Variants in MAGI2 observed in about 807,000 individuals in gnomAD.
The protein encoded by MAGI2 is membrane-associated guanylate kinase, WW and PDZ domain-containing protein 2.
Under a neutral mutation model 133.3 loss-of-function variants are expected in MAGI2, and 35 were observed. The ratio of observed to expected loss-of-function variants is 0.26; its 90% CI spans 0.20 to 0.35. The LOEUF is 0.35. MAGI2 is among the 10% of genes least tolerant of loss of function. The probability of loss-of-function intolerance (pLI) is 1.00; values close to 1 mark genes in which losing one functional copy is unlikely to be tolerated. For synonymous variants in MAGI2, 729 were observed against 710.6 expected, an observed-to-expected ratio of 1.03 and a Z score of -0.41; for missense variants, 1,636 against 1,863.4, an observed-to-expected ratio of 0.88 and a Z score of 2.25.
chr7:78,547,679 C>T (rs902285543), intron 3 of MAGI2, among the ~76,000 whole-genome samples: 3 of 152,116 alleles, frequency 2.0e-5, no homozygotes, highest in Non-Finnish European at 2.9e-5. Flanking sequence ...ACTCAGATTA[C>T]GACAATTTAA....
At position 78,747,981 on chromosome 7, in the gene MAGI2, A is replaced by G. The variant is rs533273876; in HGVS notation, c.419-120742T>C. ...TTCTGTGGTACTATATGCACTCAAT[A>G]TCAATGATTCTCTGAGACACATTCA... On this transcript the variant is annotated intron_variant, in intron 2 of 21. Transcript: ENST00000354212. Among the ~76,000 whole-genome samples, 8 of 152,286 alleles carry G rather than the reference A, an allele frequency of 5.3e-5. No individual in the cohort carries two copies. The South Asian group carries it at 1.4e-3, about 28-fold the overall frequency.
At chr7:78,379,396 A>G (rs1437639902) in intron 6 of MAGI2, among the ~76,000 whole-genome samples, 1 of 151,992 alleles carries the variant, frequency 6.6e-6, no homozygotes, top group Non-Finnish European at 1.5e-5. Context: ...AAAATAAAAC[A>G]GAGTTTACAG....
chr7:78,346,094 A>G (rs771222100), intron 7 of MAGI2, 51 bp from the exon 8 acceptor site: 1 of 1,606,812 alleles, frequency 6.2e-7, no homozygotes, highest in South Asian at 1.1e-5. Flanking sequence ...AGTTATTTAA[A>G]AGACCATATG....
At chr7:78,497,750 A>ATCTATCTGTCTGTCTG (rs1554442385) in intron 5 of MAGI2, among the ~76,000 whole-genome samples, 2 of 113,412 alleles carry the variant, frequency 1.8e-5, no homozygotes, top group African/African-American at 3.4e-5. Context: ...CTATCTATCT[A>ATCTATCTGTCTGTCTG]TCTATCTATC....
intron 1 of MAGI2, among the ~76,000 whole-genome samples, chr7:79,236,584 A>G (rs1039461703): frequency 3.9e-5 from 6 of 152,240 alleles, no homozygotes; most frequent in African/African-American, 1.4e-4. Flanking sequence ...CTCGGGTGAG[A>G]CATTTAATGT....
intron 9 of MAGI2, among the ~76,000 whole-genome samples, chr7:78,325,456 C>T (rs761360673): frequency 4.6e-5 from 7 of 152,144 alleles, no homozygotes; most frequent in African/African-American, 7.2e-5. Flanking sequence ...GCCTGCTCCT[C>T]CTTCTACTAT....
At chr7:78,689,600 T>C (rs1031606584) in intron 2 of MAGI2, among the ~76,000 whole-genome samples, 6 of 152,066 alleles carry the variant, frequency 3.9e-5, no homozygotes. Context: ...ATTAATCTGC[T>C]TTCTGTCACT....
intron 15 of MAGI2, among the ~76,000 whole-genome samples, chr7:78,162,596 A>G (rs1825181019): frequency 1.3e-5 from 2 of 152,022 alleles, no homozygotes; most frequent in Admixed American, 1.3e-4. Context: ...GGGAGTGGCA[A>G]TGTTACAGGT....
In MAGI2 at chr7:78,208,707, T is replaced by TGG. The variant is rs1178184985; in HGVS notation, c.2048-7516_2048-7515dup. On this transcript the variant is annotated intron_variant, in intron 10 of 21. Coordinates refer to ENST00000354212, the MANE Select transcript of MAGI2 (RefSeq NM_012301.4). ...AATGTATAGCATTTTTTTTTTTTTTTGGGAAATCCATCTAGAAAGATTTTA... is the reference window on the plus strand; with the variant it reads ...AATGTATAGCATTTTTTTTTTTTTTTGGGGGAAATCCATCTAGAAAGATTTTA... 1.8e-3 allele frequency among the ~76,000 whole-genome samples: 260 copies of TGG among 141,842 alleles called. 2 individuals carry two copies. Among genetic ancestry groups the TGG allele is most frequent in the Non-Finnish European group, 2.6e-3 (168 of 64,268 alleles). 93.1% of individuals were successfully genotyped at this position (141,842 alleles called of 152,430 possible).
At chr7:78,696,584 A>G (rs181394939) in intron 2 of MAGI2, among the ~76,000 whole-genome samples, 2 of 152,324 alleles carry the variant, frequency 1.3e-5, no homozygotes, top group East Asian at 3.9e-4. Flanking sequence ...CAAATCTTGC[A>G]TCAGGTTTCC....
intron 1 of MAGI2, among the ~76,000 whole-genome samples, chr7:79,428,054 C>T (rs1847516871): frequency 6.6e-6 from 1 of 151,948 alleles, no homozygotes. Flanking sequence ...CTATGGGGTC[C>T]CTAAAAGAAA....
chr7:78,631,320 C>T (rs543341626), intron 2 of MAGI2, among the ~76,000 whole-genome samples: 1 of 152,242 alleles, frequency 6.6e-6, no homozygotes, highest in Admixed American at 6.5e-5. Flanking sequence ...TTCTATGTCC[C>T]ATATCTCCAC....
intron 8 of MAGI2, among the ~76,000 whole-genome samples, chr7:78,344,400 A>T (rs1790690455): frequency 6.6e-6 from 1 of 152,158 alleles, no homozygotes; most frequent in Non-Finnish European, 1.5e-5. Flanking sequence ...CTAAGCCTTG[A>T]AGAAATAAGG....
rs3779276 is a variant in MAGI2 at position 78,198,063 on chromosome 7, G to A, written c.2080-3000C>T. ...GAACCCCCTGGATTCTGATCCTGTCGCCTTACTGAGGTCGATGGGCCTCAC... is the reference window on the plus strand; with the variant it reads ...GAACCCCCTGGATTCTGATCCTGTCACCTTACTGAGGTCGATGGGCCTCAC... On this transcript the variant is annotated intron_variant, in intron 11 of 21. Coordinates refer to ENST00000354212, the MANE Select transcript of MAGI2 (RefSeq NM_012301.4). Among the ~76,000 whole-genome samples the A allele has an allele frequency of 5.1e-3, 773 of 152,114 alleles. 3 individuals are homozygous for A. Among genetic ancestry groups the A allele is most frequent in the Middle Eastern group, 0.01 (3 of 294 alleles).
intron 1 of MAGI2, among the ~76,000 whole-genome samples, chr7:79,444,838 A>C (rs1848733433): frequency 6.6e-6 from 1 of 152,240 alleles, no homozygotes; most frequent in Non-Finnish European, 1.5e-5. Context: ...TGGAACCAAA[A>C]AAGAGCCTGC....
chr7:79,291,075 G>C (rs1019514427), intron 1 of MAGI2, among the ~76,000 whole-genome samples: 11 of 150,688 alleles, frequency 7.3e-5, no homozygotes, highest in African/African-American at 2.7e-4. Context: ...ATCACTCCCC[G>C]CACTCCACTT....
intron 10 of MAGI2, among the ~76,000 whole-genome samples, chr7:78,242,103 C>A (rs1373872180): frequency 3.3e-5 from 5 of 152,174 alleles, no homozygotes; most frequent in Admixed American, 1.3e-4. Context: ...CACACAAGAA[C>A]GTGTACTACC....
chr7:79,074,789 A>G (rs1239646935), intron 1 of MAGI2, among the ~76,000 whole-genome samples: 1 of 152,188 alleles, frequency 6.6e-6, no homozygotes, highest in South Asian at 2.1e-4. Context: ...TCTGAGGACT[A>G]TTTGCAGTAT....
chr7:78,214,455 C>A (rs1322352741), intron 10 of MAGI2, among the ~76,000 whole-genome samples: 2 of 152,138 alleles, frequency 1.3e-5, no homozygotes, highest in Non-Finnish European at 2.9e-5. Context: ...GATGTCTTGG[C>A]ACTTTACTGG....
Sources: allele counts gnomAD v4.1 joint callset (sites outside exome capture counted in the v4.1 genomes callset), GRCh38; gene constraint gnomAD v4.1.1; transcripts MANE v1.5; gene names NCBI Gene and HGNC (gene_info 2026-07-23, HGNC 2026-07-21).